Variants in SMAD3 observed in about 807,000 individuals in gnomAD.
The protein encoded by SMAD3 is MAD homolog 3.
In SMAD3, 12 loss-of-function variants were observed where a neutral mutation model predicts 51.8. That is an observed-to-expected ratio of 0.23 (90% CI 0.15 to 0.38). The LOEUF (loss-of-function observed/expected upper bound fraction) is 0.38. SMAD3 is among the 10% of genes least tolerant of loss of function. SMAD3 has a pLI of 1.00. For synonymous variants in SMAD3, 238 were observed against 227.7 expected (o/e 1.05, Z -0.41); for missense variants, 294 against 565.6 (o/e 0.52, Z 4.87).
Position 67,066,351 on chromosome 15 carries a change from C to T in SMAD3, c.197C>T (p.Thr66Ile). 6.2e-7 allele frequency: 1 copy of T among 1,612,808 alleles called. No individual in the cohort carries two copies. Residue 66 changes from threonine to isoleucine, a missense_variant, in exon 1 of 9, where the codon ACC becomes ATC. By Grantham distance (89) the Thr-to-Ile change is moderately conservative. Around this residue, in one of 3 missense-constraint regions of SMAD3, gnomAD observed 147 missense variants for 260.9 expected, o/e 0.56. Transcript: ENST00000327367. ...CAGAACGTCAACACCAAGTGCATCACCATCCCCAGGTGGGGGCCCGCCCGG... is the reference window on the plus strand; with the variant it reads ...CAGAACGTCAACACCAAGTGCATCATCATCCCCAGGTGGGGGCCCGCCCGG... ...TTQNVNTKCI[T>I]IPRSLDGRLQ...
At chr15:67,089,950 C>T (rs754582924) in intron 1 of SMAD3, among the ~76,000 whole-genome samples, 2 of 152,162 alleles carry the variant, frequency 1.3e-5, no homozygotes, top group Non-Finnish European at 2.9e-5. Context: ...AACCAGTGGC[C>T]AGCAGTAGTG....
chr15:67,112,485 T>C (rs112743295), intron 1 of SMAD3, among the ~76,000 whole-genome samples: 1,489 of 133,404 alleles, frequency 0.011, 380 homozygotes, highest in African/African-American at 0.042. Context: ...GGGTTGTCTT[T>C]CTACTGTTGA....
chr15:67,191,510 A>G lies in SMAD3; in HGVS notation c.*974A>G, dbSNP rs186538259. ...TTGCATTCATTAAATCAACTTTATC[A>G]TATGCTCTTTTAAATGTTTGGTTTA... On this transcript the variant is annotated 3_prime_UTR_variant, in exon 9 of 9. Coordinates refer to ENST00000327367, the MANE Select transcript of SMAD3 (RefSeq NM_005902.4). The G allele has an allele frequency of 1.3e-4, 31 of 233,276 alleles. No homozygotes were observed. In the East Asian group the frequency reaches 1.9e-3, roughly 14 times the overall value. The allele number at this position is 233,276 out of a possible 1,614,324, so 14.5% of individuals were successfully genotyped here. A position where few individuals can be genotyped will look rare whatever the true frequency, so the allele number is the denominator to read the frequency against.
At chr15:67,150,967 T>C (rs368378056) in intron 1 of SMAD3, among the ~76,000 whole-genome samples, 266 of 149,134 alleles carry the variant, frequency 1.8e-3, no homozygotes, top group Middle Eastern at 3.5e-3. Flanking sequence ...GTGATTCTCT[T>C]GCCTCAGCCT....
At chr15:67,159,436 G>C (rs7180244) in intron 1 of SMAD3, among the ~76,000 whole-genome samples, 7,333 of 152,172 alleles carry the variant, frequency 0.048, 244 homozygotes, top group Non-Finnish European at 0.072. Context: ...TGTACAGTTA[G>C]CAAGTACTGA....
At chr15:67,067,155 G>A (rs1345445402) in intron 1 of SMAD3, among the ~76,000 whole-genome samples, 2 of 152,022 alleles carry the variant, frequency 1.3e-5, no homozygotes, top group African/African-American at 4.8e-5. Context: ...CTGCAGCCGG[G>A]CAGATAACAA....
chr15:67,169,535 G>A (rs28521468), intron 4 of SMAD3, among the ~76,000 whole-genome samples: 1,602 of 152,052 alleles, frequency 0.011, 24 homozygotes, highest in African/African-American at 0.037. Context: ...CCAGGCTGGT[G>A]TGCAGTGGTG....
chr15:67,117,158 T>C (rs1961154214), intron 1 of SMAD3, among the ~76,000 whole-genome samples: 1 of 151,814 alleles, frequency 6.6e-6, no homozygotes, highest in Non-Finnish European at 1.5e-5. Context: ...TTTCGTGGAG[T>C]AGCTAGAAAG....
chr15:67,081,748 G>A (rs1960283978), intron 1 of SMAD3, among the ~76,000 whole-genome samples: 1 of 151,992 alleles, frequency 6.6e-6, no homozygotes, highest in Non-Finnish European at 1.5e-5. Flanking sequence ...TTCCTTGGGG[G>A]TCTCTTTAGG....
intron 1 of SMAD3, among the ~76,000 whole-genome samples, chr15:67,077,446 AGT>A (rs1960194738): frequency 6.6e-6 from 1 of 152,204 alleles, no homozygotes; most frequent in African/African-American, 2.4e-5. Flanking sequence ...TCATTCAAAA[AGT>A]GGAGCAGAGA....
chr15:67,165,200 G>C, intron 2 of SMAD3, 53 bp from the exon 3 acceptor site: 1 of 1,614,006 alleles, frequency 6.2e-7, no homozygotes, highest in Non-Finnish European at 8.5e-7. Context: ...GGGGACTTTG[G>C]TGCTGGTCTG....
chr15:67,123,372 G>A (rs1028925784), intron 1 of SMAD3, among the ~76,000 whole-genome samples: 1 of 151,992 alleles, frequency 6.6e-6, no homozygotes, highest in African/African-American at 2.4e-5. Flanking sequence ...GGTGGCACAC[G>A]CCCGTAATCC....
At chr15:67,160,024 G>A (rs1277277369) in intron 1 of SMAD3, among the ~76,000 whole-genome samples, 1 of 152,178 alleles carries the variant, frequency 6.6e-6, no homozygotes, top group Non-Finnish European at 1.5e-5. Context: ...AAGTGGAATG[G>A]TGGATCATAT....
Position 67,106,797 on chromosome 15 carries a change from A to C in SMAD3, c.206+40437A>C, listed in dbSNP as rs1960887343. On this transcript the variant is annotated intron_variant, in intron 1 of 8. Coordinates refer to ENST00000327367, the MANE Select transcript of SMAD3 (RefSeq NM_005902.4). ...TTCCTGGCTTCACTCTCTGGCATCA[A>C]AACTTATCAGTCCTACATCTCAGTC... Among the ~76,000 whole-genome samples, 5 of 152,156 alleles carry C rather than the reference A, an allele frequency of 3.3e-5. No individual in the cohort carries two copies. In the South Asian group the frequency reaches 8.3e-4, roughly 25 times the overall value.
intron 1 of SMAD3, among the ~76,000 whole-genome samples, chr15:67,089,056 TTC>T (rs1326692687): frequency 6.6e-6 from 1 of 152,132 alleles, no homozygotes; most frequent in Non-Finnish European, 1.5e-5. Context: ...GCCCACACAG[TTC>T]CAGGGAGACC....
intron 1 of SMAD3, among the ~76,000 whole-genome samples, chr15:67,083,745 A>G (rs1248806014): frequency 6.6e-6 from 1 of 152,196 alleles, no homozygotes; most frequent in Non-Finnish European, 1.5e-5. Context: ...ACAATATCTG[A>G]AATTGAATGT....
intron 4 of SMAD3, among the ~76,000 whole-genome samples, chr15:67,170,182 TG>T (rs1026216966): frequency 1.3e-5 from 2 of 152,210 alleles, no homozygotes; most frequent in Non-Finnish European, 2.9e-5. Context: ...CTCATTTTCC[TG>T]AGGGCATAGT....
chr15:67,170,791 G>A, intron 5 of SMAD3, 187 bp downstream of exon 5: 1 of 585,980 alleles, frequency 1.7e-6, no homozygotes, highest in Non-Finnish European at 3.0e-6. Flanking sequence ...CTTGAGAACA[G>A]TGGTGGCAGG....
At chr15:67,099,870 A>C (rs1232718546) in intron 1 of SMAD3, among the ~76,000 whole-genome samples, 2 of 152,236 alleles carry the variant, frequency 1.3e-5, no homozygotes, top group Non-Finnish European at 2.9e-5. Flanking sequence ...CTACAATGGA[A>C]TATTTTTTGA....
Sources: gnomAD v4.1 joint callset for allele counts (sites outside exome capture counted in the v4.1 genomes callset) on GRCh38, gnomAD v4.1.1 for gene constraint, gnomAD v4.1.1 regional missense constraint, MANE v1.5 for transcripts, NCBI Gene and HGNC (gene_info 2026-07-23, HGNC 2026-07-21) for gene names.